Variants in RGS6 observed in about 807,000 individuals in gnomAD.
RGS6 encodes the protein regulator of G protein signaling 6.
Under a neutral mutation model 78.5 loss-of-function variants are expected in RGS6, and 30 were observed. The ratio of observed to expected loss-of-function variants is 0.38; its 90% confidence interval spans 0.29 to 0.52. RGS6 has a LOEUF of 0.52. Among genes scored for constraint, RGS6 ranks in the 20% least tolerant of loss-of-function variants. The pLI is 0.85. For synonymous variants in RGS6, 206 were observed against 206.0 expected (o/e 1.00, Z 0.00); for missense variants, 495 against 609.7 (o/e 0.81, Z 1.98).
chr14:72,474,690 G>C lies in RGS6; in HGVS notation c.684G>C (p.Lys228Asn). 1 of 1,613,250 alleles carries C rather than the reference G, an allele frequency of 6.2e-7. No homozygotes were observed. The highest frequency in any genetic ancestry group is 8.5e-7 in the Non-Finnish European group (1 of 1,179,620). The change falls in exon 10 of 18, where the codon AAG becomes AAC. Residue 228 changes from lysine (K) to asparagine (N), a missense_variant. Physicochemically the swap from Lys to Asn is moderately conservative, Grantham distance 94 (BLOSUM62 0). Coordinates refer to ENST00000553525, the MANE Select transcript of RGS6 (RefSeq NM_001204424.2). ...RKCRRLKNPQ[K>N]VKKSVYGVTE... The stretch of plus-strand genomic sequence containing the variant: ...GTCGACGTTTGAAGAATCCACAAAA[G>C]GTTAAAAAGGTTCGCTAGTTTAGCT...
chr14:72,108,592 GCTT>G (rs1284062281), intron 2 of RGS6, among the ~76,000 whole-genome samples: 1 of 151,714 alleles, frequency 6.6e-6, no homozygotes, highest in Non-Finnish European at 1.5e-5. Context: ...ATTCTTGAAG[GCTT>G]CTTATCTTTC....
At chr14:71,907,269 A>G in the RGS6 span, among the ~76,000 whole-genome samples, 1 of 152,218 alleles carries the variant, frequency 6.6e-6, no homozygotes, top group Non-Finnish European at 1.5e-5. Flanking sequence ...TAGGAGAGCC[A>G]ATATGGGAGA....
the RGS6 span, among the ~76,000 whole-genome samples, chr14:71,914,700 G>A: frequency 6.6e-6 from 1 of 152,016 alleles, no homozygotes; most frequent in African/African-American, 2.4e-5. Flanking sequence ...GACCCCCAAT[G>A]TACAAGTAGT....
intron 2 of RGS6, among the ~76,000 whole-genome samples, chr14:72,037,909 A>G (rs11848699): frequency 0.13 from 19,781 of 152,124 alleles, 1,339 homozygotes; most frequent in East Asian, 0.17. Flanking sequence ...CTGGAAGTCT[A>G]TTCTATGCTG....
intron 17 of RGS6, chr14:72,547,492 T>G: frequency 1.5e-6 from 1 of 657,478 alleles, no homozygotes. Flanking sequence ...TAGGAAAGCA[T>G]GACATTTTGG....
intron 3 of RGS6, among the ~76,000 whole-genome samples, chr14:72,393,266 TG>T (rs2090434637): frequency 6.6e-6 from 1 of 152,126 alleles, no homozygotes; most frequent in South Asian, 2.1e-4. Flanking sequence ...TGATGTAAGG[TG>T]GAATTTAGAA....
chr14:72,337,622 G>A (rs2076279861), intron 2 of RGS6, among the ~76,000 whole-genome samples: 1 of 152,104 alleles, frequency 6.6e-6, no homozygotes, highest in African/African-American at 2.4e-5. Context: ...CTCCTAAATG[G>A]GGCTGGGCCC....
chr14:72,064,010 T>C (rs1441228999), intron 2 of RGS6, among the ~76,000 whole-genome samples: 1 of 152,116 alleles, frequency 6.6e-6, no homozygotes, highest in Non-Finnish European at 1.5e-5. Flanking sequence ...TGTTTTTCTC[T>C]AGATTGTGTC....
At chr14:72,379,143 T>TA (rs1305950653) in intron 3 of RGS6, among the ~76,000 whole-genome samples, 1 of 152,106 alleles carries the variant, frequency 6.6e-6, no homozygotes, top group Non-Finnish European at 1.5e-5. Flanking sequence ...CCCATCATGA[T>TA]AAAAACTCTC....
the RGS6 span, among the ~76,000 whole-genome samples, chr14:72,574,499 T>C: frequency 6.6e-6 from 1 of 152,176 alleles, no homozygotes; most frequent in African/African-American, 2.4e-5. Context: ...GGGGAAGATC[T>C]GATGGAAGGT....
chr14:72,352,913 C>CA, intron 3 of RGS6, among the ~76,000 whole-genome samples: 1 of 152,222 alleles, frequency 6.6e-6, no homozygotes, highest in African/African-American at 2.4e-5. Flanking sequence ...AACAAGTAAC[C>CA]AAATAAATTA....
chr14:72,202,253 A>G (rs1312129034), intron 2 of RGS6, among the ~76,000 whole-genome samples: 1 of 152,206 alleles, frequency 6.6e-6, no homozygotes, highest in Non-Finnish European at 1.5e-5. Context: ...CAAATCGCTG[A>G]GACCATGCAT....
intron 17 of RGS6, among the ~76,000 whole-genome samples, chr14:72,560,096 A>T (rs1394714457): frequency 6.8e-6 from 1 of 147,406 alleles, no homozygotes; most frequent in Non-Finnish European, 1.5e-5. Flanking sequence ...TCTTATTCAG[A>T]AGCTTGAGTG....
the RGS6 span, among the ~76,000 whole-genome samples, chr14:72,611,436 C>T: frequency 6.6e-6 from 1 of 152,220 alleles, no homozygotes; most frequent in Non-Finnish European, 1.5e-5. Context: ...CACACACCAG[C>T]AGTGCCAGAT....
chr14:72,167,511 C>T (rs866953413), intron 2 of RGS6, among the ~76,000 whole-genome samples: 2 of 152,334 alleles, frequency 1.3e-5, no homozygotes, highest in South Asian at 2.1e-4. Context: ...CCATCATAGA[C>T]TCTTTCCTCC....
At chr14:72,624,899 G>A in the RGS6 span, among the ~76,000 whole-genome samples, 14 of 152,248 alleles carry the variant, frequency 9.2e-5, 1 homozygote, top group Admixed American at 7.2e-4. Context: ...CCTTCTTGGC[G>A]CATCATATCG....
the RGS6 span, among the ~76,000 whole-genome samples, chr14:72,572,300 C>A: frequency 3.3e-5 from 5 of 152,168 alleles, no homozygotes; most frequent in East Asian, 7.7e-4. Context: ...TAGGTATATA[C>A]CCAGGAGAAA....
chr14:72,245,995 A>G (rs191978372), intron 2 of RGS6, among the ~76,000 whole-genome samples: 7 of 152,352 alleles, frequency 4.6e-5, no homozygotes, highest in Non-Finnish European at 8.8e-5. Flanking sequence ...GGATCAGACA[A>G]TCTTTGCTAT....
intron 2 of RGS6, among the ~76,000 whole-genome samples, chr14:72,259,960 A>G (rs1311347401): frequency 1.3e-5 from 2 of 151,596 alleles, no homozygotes; most frequent in Non-Finnish European, 2.9e-5. Context: ...TCAAATAGCT[A>G]ATTAAAACAA....
Sources: gnomAD v4.1 joint callset for allele counts (sites outside exome capture counted in the v4.1 genomes callset) on GRCh38, gnomAD v4.1.1 for gene constraint, MANE v1.5 for transcripts, NCBI Gene and HGNC (gene_info 2026-07-23, HGNC 2026-07-21) for gene names.